Variants in METTL15 observed in about 807,000 individuals in gnomAD.
The protein encoded by METTL15 is 12S rRNA N(4)-cytidine methyltransferase METTL15.
A neutral mutation model predicts 38.3 loss-of-function variants in METTL15; 34 were observed. That is an observed-to-expected ratio of 0.89 (90% confidence interval 0.68 to 1.18). The LOEUF (loss-of-function observed/expected upper bound fraction) is 1.18, where lower values mean the gene tolerates loss of function less well. Among genes scored for constraint, METTL15 ranks in the 50% most tolerant of loss-of-function variants. The pLI, the probability that METTL15 is intolerant of heterozygous loss-of-function variation, is 0.00. For missense variants in METTL15, 438 were observed against 498.4 expected, an observed-to-expected ratio of 0.88 and a Z score of 1.15; for synonymous variants, 162 against 170.9, an observed-to-expected ratio of 0.95 and a Z score of 0.41.
chr11:28,152,772 T>G (rs1434159300), intron 3 of METTL15, among the ~76,000 whole-genome samples: 7 of 147,212 alleles, frequency 4.8e-5, no homozygotes, highest in African/African-American at 1.7e-4. Flanking sequence ...AAGAAAGAAT[T>G]AGAAAGGAAT....
Position 28,342,859 on chromosome 11 carries a change from TCAC to T in METTL15, c.*190-9230_*190-9228del, listed in dbSNP as rs571915499. On this transcript the variant is annotated intron_variant and NMD_transcript_variant, in intron 3 of 7. Coordinates refer to the METTL15 transcript ENST00000532947. ...CTAGTCTGTAATACAGTATGTTCTGTCACATATCTTTGTCGTTAGCCCTACTAA... is the reference window on the plus strand; with the variant it reads ...CTAGTCTGTAATACAGTATGTTCTGTATATCTTTGTCGTTAGCCCTACTAA... 6.7e-4 allele frequency among the ~76,000 whole-genome samples: 102 copies of T among 152,348 alleles called. 1 individual carries two copies. The Middle Eastern group carries it at 0.014, about 20-fold the overall frequency.
chr11:28,345,026 T>TA (rs745640889), intron 3 of METTL15, among the ~76,000 whole-genome samples: 1 of 152,216 alleles, frequency 6.6e-6, no homozygotes, highest in African/African-American at 2.4e-5. Flanking sequence ...ATTTTACACT[T>TA]ACAGCACATC....
chr11:28,259,765 C>T (rs975276109), intron 4 of METTL15, among the ~76,000 whole-genome samples: 2 of 152,196 alleles, frequency 1.3e-5, no homozygotes, highest in African/African-American at 4.8e-5. Context: ...TCCTCAGTGC[C>T]TCTTTCAGTG....
intron 3 of METTL15, among the ~76,000 whole-genome samples, chr11:28,146,746 A>G (rs1279086243): frequency 6.6e-6 from 1 of 151,926 alleles, no homozygotes; most frequent in Admixed American, 6.6e-5. Context: ...GATTTGTTCA[A>G]TAATAGCCCA....
chr11:28,169,965 G>A (rs1448777037), intron 3 of METTL15, among the ~76,000 whole-genome samples: 1 of 152,110 alleles, frequency 6.6e-6, no homozygotes, highest in Non-Finnish European at 1.5e-5. Flanking sequence ...GATAACCCTG[G>A]TTGAGTGGGT....
intron 3 of METTL15, among the ~76,000 whole-genome samples, chr11:28,201,699 GT>G (rs1340585800): frequency 6.7e-6 from 1 of 150,194 alleles, no homozygotes; most frequent in Non-Finnish European, 1.5e-5. Context: ...TCTGATGGTA[GT>G]TTGTATTTCT....
At chr11:28,225,017 G>A (rs990041057) in intron 4 of METTL15, among the ~76,000 whole-genome samples, 1 of 151,526 alleles carries the variant, frequency 6.6e-6, no homozygotes, top group African/African-American at 2.4e-5. Context: ...AAGATAAAAA[G>A]TATTTAAACA....
chr11:28,524,885 C>T (rs1206789956), intron 6 of METTL15, among the ~76,000 whole-genome samples: 1 of 152,140 alleles, frequency 6.6e-6, no homozygotes, highest in Non-Finnish European at 1.5e-5. Context: ...TGTTACAGTT[C>T]TTAAAGGCGG....
chr11:28,465,875 C>T (rs1176207601), intron 6 of METTL15, among the ~76,000 whole-genome samples: 2 of 152,172 alleles, frequency 1.3e-5, no homozygotes, highest in African/African-American at 4.8e-5. Flanking sequence ...TAAATATTTC[C>T]AGGCATTGCC....
exon 8 of METTL15, chr11:28,527,018 C>T (rs950082072): frequency 2.6e-5 from 4 of 151,800 alleles, no homozygotes; most frequent in African/African-American, 4.8e-5. Flanking sequence ...TTTTTTAACA[C>T]AATAAAATAC....
intron 6 of METTL15, among the ~76,000 whole-genome samples, chr11:28,521,155 C>A (rs1247786467): frequency 6.6e-6 from 1 of 152,072 alleles, no homozygotes; most frequent in Non-Finnish European, 1.5e-5. Flanking sequence ...TTCAGAATTA[C>A]AACCTGAGGT....
intron 2 of METTL15, among the ~76,000 whole-genome samples, chr11:28,111,765 T>C (rs534836879): frequency 6.6e-6 from 1 of 152,314 alleles, no homozygotes; most frequent in South Asian, 2.1e-4. Context: ...GCGCATGTAG[T>C]GTGGTTATAA....
At chr11:28,494,753 C>T (rs765993955) in intron 6 of METTL15, among the ~76,000 whole-genome samples, 8 of 152,244 alleles carry the variant, frequency 5.3e-5, no homozygotes, top group Non-Finnish European at 7.4e-5. Flanking sequence ...AAGTCAGTTC[C>T]GCTGCACATG....
intron 6 of METTL15, among the ~76,000 whole-genome samples, chr11:28,520,987 A>G (rs1590402793): frequency 6.6e-6 from 1 of 151,332 alleles, no homozygotes; most frequent in East Asian, 1.9e-4. Flanking sequence ...TAAGAATTTC[A>G]AGGCTGGTTT....
intron 6 of METTL15, 43 bp from the exon 7 acceptor site, chr11:28,330,353 T>C: frequency 7.0e-7 from 1 of 1,437,284 alleles, no homozygotes; most frequent in Non-Finnish European, 9.3e-7. Context: ...AAAATATTAA[T>C]GTTACCGGTC....
intron 5 of METTL15, among the ~76,000 whole-genome samples, chr11:28,393,697 C>T (rs188155384): frequency 1.2e-4 from 19 of 152,122 alleles, no homozygotes; most frequent in African/African-American, 4.3e-4. Context: ...AGCCATAATG[C>T]CTTTTATGAT....
At chr11:28,214,972 A>C (rs1257671470) in intron 4 of METTL15, among the ~76,000 whole-genome samples, 1 of 152,222 alleles carries the variant, frequency 6.6e-6, no homozygotes, top group African/African-American at 2.4e-5. Context: ...AGAGAAAAGA[A>C]TAACAAATTT....
chr11:28,211,338 A>G, intron 4 of METTL15, 140 bp downstream of exon 4: 3 of 687,380 alleles, frequency 4.4e-6, no homozygotes, highest in Non-Finnish European at 6.6e-6. Context: ...CCCAAAAAGA[A>G]TTAATGTAAG....
chr11:28,188,706 A>G (rs1217058886), intron 3 of METTL15, among the ~76,000 whole-genome samples: 1 of 151,172 alleles, frequency 6.6e-6, no homozygotes, highest in Non-Finnish European at 1.5e-5. Context: ...GCGTACACTC[A>G]TTTAGCTAAA....
Sources: gnomAD v4.1 joint callset for allele counts (sites outside exome capture counted in the v4.1 genomes callset) on GRCh38, gnomAD v4.1.1 for gene constraint, MANE v1.5 for transcripts, NCBI Gene and HGNC (gene_info 2026-07-23, HGNC 2026-07-21) for gene names.